ADAMTSL1: variants seen among roughly 807,000 people sequenced by gnomAD.
The protein encoded by ADAMTSL1 is ADAMTS-like protein 1.
A neutral mutation model predicts 201.8 loss-of-function variants in ADAMTSL1; 126 were observed. That is an observed-to-expected ratio of 0.62 (90% CI 0.54 to 0.72). ADAMTSL1 has a LOEUF of 0.72. Ranked by LOEUF, ADAMTSL1 falls within the 30% of genes least tolerant of loss-of-function variation. The pLI is 0.00. For missense variants in ADAMTSL1, 2,679 were observed against 2,277.8 expected (o/e 1.18, Z -3.59); for synonymous variants, 1,121 against 903.4 (o/e 1.24, Z -4.32).
intron 20 of ADAMTSL1, among the ~76,000 whole-genome samples, chr9:18,812,276 A>G (rs536592485): frequency 6.6e-6 from 1 of 152,210 alleles, no homozygotes; most frequent in Non-Finnish European, 1.5e-5. Context: ...AGATCTACAC[A>G]ACTGTGCCCA....
rs772034324 is a variant in ADAMTSL1, at chr9:18,366,627, ATTTTTTTTTTTTTTTT to A, written c.208-138177_208-138162del. Among the ~76,000 whole-genome samples the A allele has an allele frequency of 1.2e-3, 133 of 112,826 alleles. 4 individuals are homozygous for A. The highest frequency in any genetic ancestry group is 4.1e-3 in the African/African-American group (119 of 29,090). 74.0% of individuals were successfully genotyped at this position (112,826 alleles called of 152,430 possible). A position where few individuals can be genotyped will look rare whatever the true frequency, so the allele number is the denominator to read the frequency against. Reference sequence around the variant, plus strand: ...ATGGATAGTGCCTCTGAAATCACTAATTTTTTTTTTTTTTTTTTTTTTTTTTTTTTTTTTTTTTTTA... The same window carrying A: ...ATGGATAGTGCCTCTGAAATCACTAATTTTTTTTTTTTTTTTTTTTTTTTA... On this transcript the variant is annotated intron_variant, in intron 2 of 29. Transcript: ENST00000680146.
chr9:18,316,273 A>C (rs1651915012), intron 2 of ADAMTSL1, among the ~76,000 whole-genome samples: 1 of 152,130 alleles, frequency 6.6e-6, no homozygotes, highest in South Asian at 2.1e-4. Context: ...GTCACTGATA[A>C]CATCTTATCA....
chr9:17,952,133 T>A (rs936717140), intron 1 of ADAMTSL1, among the ~76,000 whole-genome samples: 1 of 151,462 alleles, frequency 6.6e-6, no homozygotes, highest in African/African-American at 2.4e-5. Context: ...TTTTTTTTTT[T>A]TGTAAAGATG....
chr9:18,631,959 T>C (rs1826806617), intron 5 of ADAMTSL1, among the ~76,000 whole-genome samples: 1 of 152,158 alleles, frequency 6.6e-6, no homozygotes, highest in Non-Finnish European at 1.5e-5. Flanking sequence ...ACTGGCATCA[T>C]GGTTCAGTCA....
intron 1 of ADAMTSL1, among the ~76,000 whole-genome samples, chr9:18,131,578 A>G (rs1215160903): frequency 6.6e-6 from 1 of 152,178 alleles, no homozygotes; most frequent in Non-Finnish European, 1.5e-5. Flanking sequence ...TCTCTTCTTG[A>G]CATTTTCTCT....
At chr9:18,740,281 A>G (rs576516648) in intron 15 of ADAMTSL1, among the ~76,000 whole-genome samples, 1 of 152,048 alleles carries the variant, frequency 6.6e-6, no homozygotes, top group East Asian at 2.0e-4. Flanking sequence ...TGTGAGCTTG[A>G]ACTGTAGTGA....
intron 23 of ADAMTSL1, among the ~76,000 whole-genome samples, chr9:18,848,191 A>G (rs908415026): frequency 6.6e-6 from 1 of 152,242 alleles, no homozygotes; most frequent in Non-Finnish European, 1.5e-5. Flanking sequence ...CCCATTGCAC[A>G]GTAGAGTCAG....
chr9:18,557,356 G>A (rs1322591783), intron 3 of ADAMTSL1, among the ~76,000 whole-genome samples: 2 of 151,952 alleles, frequency 1.3e-5, no homozygotes, highest in Admixed American at 1.3e-4. Flanking sequence ...CTTTCTCTCA[G>A]GTGAGAACCA....
At chr9:18,170,748 A>G (rs1259831935) in intron 2 of ADAMTSL1, among the ~76,000 whole-genome samples, 3 of 152,078 alleles carry the variant, frequency 2.0e-5, no homozygotes, top group Non-Finnish European at 4.4e-5. Context: ...GGCCCCTCTC[A>G]GAAAGGCCAG....
At chr9:18,747,327 C>T (rs1819206589) in intron 15 of ADAMTSL1, among the ~76,000 whole-genome samples, 1 of 152,068 alleles carries the variant, frequency 6.6e-6, no homozygotes, top group Non-Finnish European at 1.5e-5. Flanking sequence ...TATATGTTCC[C>T]ACATCTTAGG....
intron 1 of ADAMTSL1, among the ~76,000 whole-genome samples, chr9:17,941,984 C>T (rs1404873595): frequency 6.6e-6 from 1 of 152,064 alleles, no homozygotes; most frequent in Non-Finnish European, 1.5e-5. Flanking sequence ...CTCCTACTAC[C>T]GTCACATTGG....
rs150109536 is a variant in ADAMTSL1 at position 18,329,111 on chromosome 9, A to G, written c.207+165130A>G. Among the ~76,000 whole-genome samples, 295 of 152,232 alleles carry G rather than the reference A, an allele frequency of 1.9e-3. 1 individual carries two copies. The highest frequency in any genetic ancestry group is 0.017 in the Middle Eastern group (5 of 294). On this transcript the variant is annotated intron_variant, in intron 2 of 29. Coordinates refer to the ADAMTSL1 transcript ENST00000680146. Reference sequence around the variant, plus strand: ...GTCAGGTCGTGAGGGTAGAGCCCTCATGAATGGGATTAGTGCCCTTATAAA... The same window carrying G: ...GTCAGGTCGTGAGGGTAGAGCCCTCGTGAATGGGATTAGTGCCCTTATAAA...
chr9:18,751,747 T>C lies in ADAMTSL1; in HGVS notation c.2007-1551T>C, dbSNP rs543070468. Among the ~76,000 whole-genome samples, 420 of 152,272 alleles carry C rather than the reference T, an allele frequency of 2.8e-3. 1 individual carries two copies. Among genetic ancestry groups the C allele is most frequent in the African/African-American group, 9.6e-3 (398 of 41,544 alleles). ...GTCTGGAGCAAGTATGGATACAGTG[T>C]TTTAAATATGGATTATATTTGGATA... On this transcript the variant is annotated intron_variant, in intron 15 of 28. Coordinates refer to ENST00000380548, the MANE Select transcript of ADAMTSL1 (RefSeq NM_001040272.6).
intron 2 of ADAMTSL1, among the ~76,000 whole-genome samples, chr9:18,403,529 G>C (rs1818067337): frequency 6.6e-6 from 1 of 152,128 alleles, no homozygotes; most frequent in South Asian, 2.1e-4. Flanking sequence ...AGGAGACCTT[G>C]ACCAATTTCT....
chr9:18,273,536 T>A (rs766424451), intron 2 of ADAMTSL1, among the ~76,000 whole-genome samples: 25 of 152,260 alleles, frequency 1.6e-4, no homozygotes, highest in Non-Finnish European at 2.9e-4. Flanking sequence ...GCATTTCTAG[T>A]AATTTTGGTT....
intron 4 of ADAMTSL1, among the ~76,000 whole-genome samples, chr9:18,579,300 T>A (rs552720923): frequency 2.2e-5 from 3 of 134,196 alleles, no homozygotes; most frequent in Admixed American, 8.8e-5. Context: ...AACAATGAGA[T>A]CACATGGACA....
intron 2 of ADAMTSL1, among the ~76,000 whole-genome samples, chr9:18,184,230 T>C (rs1274589201): frequency 6.6e-6 from 1 of 152,178 alleles, no homozygotes; most frequent in African/African-American, 2.4e-5. Context: ...AAAATTGTTA[T>C]GCACACTAAA....
chr9:18,332,465 T>C (rs1835070383), intron 2 of ADAMTSL1, among the ~76,000 whole-genome samples: 1 of 152,080 alleles, frequency 6.6e-6, no homozygotes. Flanking sequence ...TCCTCCTTTT[T>C]TTAGAGACAA....
intron 13 of ADAMTSL1, among the ~76,000 whole-genome samples, chr9:18,704,664 G>A (rs1832126911): frequency 6.6e-6 from 1 of 152,166 alleles, no homozygotes; most frequent in Admixed American, 6.5e-5. Context: ...TGTAATAAAA[G>A]GGTTAAAATG....
Sources: allele counts gnomAD v4.1 joint callset (sites outside exome capture counted in the v4.1 genomes callset), GRCh38; gene constraint gnomAD v4.1.1; transcripts MANE v1.5; gene names NCBI Gene and HGNC (gene_info 2026-07-23, HGNC 2026-07-21).